Variants in TSHR observed in about 807,000 individuals in gnomAD.
The protein encoded by TSHR is thyrotropin receptor.
Under a neutral mutation model 64.1 loss-of-function variants are expected in TSHR, and 51 were observed. That is an observed-to-expected ratio of 0.80 (90% confidence interval 0.64 to 1.01). TSHR has a LOEUF of 1.01. Among genes scored for constraint, TSHR ranks in the 50% least tolerant of loss-of-function variants. TSHR has a pLI of 0.00. For missense variants in TSHR, 877 were observed against 942.8 expected (o/e 0.93, Z 0.91); for synonymous variants, 361 against 361.9 (o/e 1.00, Z 0.03).
In TSHR at chr14:81,143,778, A is replaced by C. The variant is rs1891811174; in HGVS notation, c.1720A>C (p.Thr574Pro). The C allele has an allele frequency of 6.2e-7, 1 of 1,614,010 alleles. No individual in the cohort carries two copies. The highest frequency in any genetic ancestry group is 1.3e-5 in the African/African-American group (1 of 74,924). ...AGTCAGTATCTGCCTGCCCATGGAC[A>C]CCGAGACCCCTCTTGCTCTGGCATA... Reference protein sequence around the residue: ...AKVSICLPMDTETPLALAYIV... With the variant: ...AKVSICLPMDPETPLALAYIV... The change falls in exon 10 of 10, where the codon ACC becomes CCC. Residue 574 changes from threonine (T) to proline (P), a missense_variant. Physicochemically the swap from Thr to Pro is conservative, Grantham distance 38 (BLOSUM62 -1). Coordinates refer to ENST00000298171, the MANE Select transcript of TSHR (RefSeq NM_000369.5).
chr14:80,967,959 T>C (rs1887405595), intron 1 of TSHR, among the ~76,000 whole-genome samples: 1 of 152,170 alleles, frequency 6.6e-6, no homozygotes, highest in Admixed American at 6.5e-5. Context: ...ATGACTTGCA[T>C]CTCAGGACCC....
intron 7 of TSHR, among the ~76,000 whole-genome samples, chr14:81,096,925 T>G (rs1595106292): frequency 6.8e-6 from 1 of 147,564 alleles, no homozygotes; most frequent in Non-Finnish European, 1.5e-5. Flanking sequence ...TTCTCCCTGG[T>G]GTGTGTGTGT....
intron 1 of TSHR, among the ~76,000 whole-genome samples, chr14:81,020,998 C>G (rs367613595): frequency 1.8e-4 from 27 of 152,022 alleles, no homozygotes; most frequent in African/African-American, 5.3e-4. Flanking sequence ...CCATCACCCA[C>G]AGATGGGACC....
At chr14:81,002,781 C>CTTTTTTTTTTTTTTTTTTTTTTTTTTTTT (rs1174635270) in intron 1 of TSHR, among the ~76,000 whole-genome samples, 7 of 44,326 alleles carry the variant, frequency 1.6e-4, no homozygotes, top group African/African-American at 2.9e-4. Flanking sequence ...CCTAATGCCT[C>CTTTTTTTTTTTTTTTTTTTTTTTTTTTTT]TTTTTTTTTT....
chr14:81,065,929 A>G (rs542317427), intron 2 of TSHR, among the ~76,000 whole-genome samples: 2 of 152,338 alleles, frequency 1.3e-5, no homozygotes, highest in Non-Finnish European at 2.9e-5. Context: ...TTTAACTCAC[A>G]AAACTATCCC....
chr14:81,036,527 A>G (rs1258367735), intron 1 of TSHR, among the ~76,000 whole-genome samples: 5 of 152,206 alleles, frequency 3.3e-5, no homozygotes, highest in Non-Finnish European at 7.3e-5. Context: ...TGAAGGAGAA[A>G]TAGTGTTTCT....
intron 1 of TSHR, among the ~76,000 whole-genome samples, chr14:80,975,132 G>C (rs1327981827): frequency 6.6e-6 from 1 of 152,204 alleles, no homozygotes; most frequent in Admixed American, 6.5e-5. Context: ...TGTTCATGGA[G>C]CTCTTCCTAT....
At chr14:81,027,458 A>G (rs1156390882) in intron 1 of TSHR, among the ~76,000 whole-genome samples, 1 of 152,192 alleles carries the variant, frequency 6.6e-6, no homozygotes, top group Non-Finnish European at 1.5e-5. Flanking sequence ...ACCCAAGAGT[A>G]TCTAAAAAAG....
At chr14:81,040,557 A>C (rs1371513086) in intron 1 of TSHR, among the ~76,000 whole-genome samples, 1 of 152,164 alleles carries the variant, frequency 6.6e-6, no homozygotes, top group Non-Finnish European at 1.5e-5. Flanking sequence ...TTTGCAAAGC[A>C]TACATCTGAT....
intron 3 of TSHR, among the ~76,000 whole-genome samples, chr14:81,072,102 G>C (rs757269590): frequency 2.0e-4 from 31 of 152,288 alleles, no homozygotes; most frequent in Admixed American, 7.8e-4. Flanking sequence ...ATGTGCATCT[G>C]TTATTTACAT....
intron 1 of TSHR, among the ~76,000 whole-genome samples, chr14:80,976,929 A>T (rs1887910213): frequency 1.3e-5 from 2 of 152,240 alleles, no homozygotes; most frequent in South Asian, 4.1e-4. Flanking sequence ...TTTGTGATGC[A>T]GTGTCTAGCC....
intron 1 of TSHR, among the ~76,000 whole-genome samples, chr14:81,040,079 T>G (rs2139842990): frequency 6.6e-6 from 1 of 152,026 alleles, no homozygotes; most frequent in Non-Finnish European, 1.5e-5. Flanking sequence ...TACAAAGCTA[T>G]AGTAACCAAA....
intron 8 of TSHR, among the ~76,000 whole-genome samples, chr14:81,132,452 A>C (rs1041591204): frequency 1.3e-5 from 2 of 152,246 alleles, no homozygotes; most frequent in Non-Finnish European, 2.9e-5. Flanking sequence ...TCTTCCTATG[A>C]CATTAAACGT....
intron 3 of TSHR, among the ~76,000 whole-genome samples, chr14:81,069,255 G>T (rs531140399): frequency 2.0e-5 from 3 of 151,926 alleles, no homozygotes; most frequent in Non-Finnish European, 4.4e-5. Flanking sequence ...TTCCTTGGTC[G>T]CACAGTTACC....
chr14:81,023,315 A>ACC (rs949829078), intron 1 of TSHR, among the ~76,000 whole-genome samples: 1 of 151,910 alleles, frequency 6.6e-6, no homozygotes, highest in African/African-American at 2.4e-5. Flanking sequence ...GGAAAGACCC[A>ACC]CCCCCATGAT....
intron 1 of TSHR, among the ~76,000 whole-genome samples, chr14:81,035,866 CA>C (rs967107560): frequency 8.2e-5 from 11 of 134,234 alleles, no homozygotes; most frequent in Admixed American, 2.1e-4. Context: ...GTGGTAGTGT[CA>C]AAAAAAATAA....
At chr14:81,078,512 GC>G (rs1387657604) in intron 3 of TSHR, among the ~76,000 whole-genome samples, 3 of 151,966 alleles carry the variant, frequency 2.0e-5, no homozygotes, top group Non-Finnish European at 2.9e-5. Flanking sequence ...TATTTAATCT[GC>G]TTAAGGTTTG....
intron 8 of TSHR, among the ~76,000 whole-genome samples, chr14:81,125,671 G>A (rs1269654509): frequency 6.6e-6 from 1 of 152,024 alleles, no homozygotes; most frequent in Non-Finnish European, 1.5e-5. Context: ...CAGCTCCCTT[G>A]GAGAAGGGAA....
intron 8 of TSHR, among the ~76,000 whole-genome samples, chr14:81,110,104 G>A (rs143977623): frequency 5.6e-4 from 85 of 152,282 alleles, no homozygotes; most frequent in African/African-American, 2.0e-3. Flanking sequence ...ATAAAAAATT[G>A]TCAATGCCAT....
Sources: gnomAD v4.1 joint callset for allele counts (sites outside exome capture counted in the v4.1 genomes callset) on GRCh38, gnomAD v4.1.1 for gene constraint, MANE v1.5 for transcripts, NCBI Gene and HGNC (gene_info 2026-07-23, HGNC 2026-07-21) for gene names.